Variants in PAM observed in about 807,000 individuals in gnomAD.
PAM encodes peptidylglycine alpha-amidating monooxygenase, also known as peptidyl-glycine alpha-amidating monooxygenase.
PAM carries 72 observed loss-of-function variants against 122.1 expected under a neutral mutation model. The ratio of observed to expected loss-of-function variants is 0.59; its 90% confidence interval spans 0.49 to 0.72. PAM has a LOEUF of 0.72. Ranked by LOEUF, PAM falls within the 30% of genes least tolerant of loss-of-function variation. The probability of loss-of-function intolerance (pLI) is 0.00; values close to 1 mark genes in which losing one functional copy is unlikely to be tolerated. For synonymous variants in PAM, 389 were observed against 404.4 expected (o/e 0.96, Z 0.46); for missense variants, 1,106 against 1,183.7 (o/e 0.93, Z 0.96).
At chr5:102,925,285 A>G (rs1420187063) in intron 6 of PAM, among the ~76,000 whole-genome samples, 2 of 152,222 alleles carry the variant, frequency 1.3e-5, no homozygotes, top group Non-Finnish European at 1.5e-5. Context: ...GAAAATAACC[A>G]AGGATACCTC....
chr5:102,865,351 TTCTA>T (rs1193102517), intron 1 of PAM: 1 of 152,248 alleles, frequency 6.6e-6, no homozygotes, highest in African/African-American at 2.4e-5. Flanking sequence ...AAAAGTCTTT[TTCTA>T]TCTGATTACT....
Position 103,003,137 on chromosome 5 carries a change from G to C in PAM, c.1718G>C (p.Ser573Thr). The C allele has an allele frequency of 6.7e-7, 1 of 1,484,204 alleles. No homozygotes were observed. The highest frequency in any genetic ancestry group is 1.1e-5 in the South Asian group (1 of 88,590). 91.9% of individuals were successfully genotyped at this position (1,484,204 alleles called of 1,614,324 possible). A position where few individuals can be genotyped will look rare whatever the true frequency, so the allele number is the denominator to read the frequency against. The change falls in exon 17 of 26, where the codon AGT (serine) becomes ACT (threonine). Residue 573 changes from serine to threonine, a missense_variant. This residue lies in a region of PAM where 103 missense variants were observed against 157.9 expected (regional missense o/e 0.65). Transcript: ENST00000438793. Reference protein sequence around the residue: ...DPNNAAVLQSSGKNLFYLPHG... With the variant: ...DPNNAAVLQSTGKNLFYLPHG... ...AATAATGCTGCAGTACTCCAGTCCA[G>C]TGGAAAAAATCTGTGAGTTAAATGA...
rs934543988 is a variant in PAM, at chr5:102,948,411, G to A, written c.609G>A (p.Met203Ile). The stretch of plus-strand genomic sequence containing the variant: ...TAATTGCTGGCATGTACCTTATGAT[G>A]TCTGTTGACACTGTTATCCCAGCAG... ...QPLIAGMYLM[M>I]SVDTVIPAGE... The change falls in exon 9 of 26, where the codon ATG becomes ATA. Residue 203 changes from methionine to isoleucine, a missense_variant. Around this residue, in one of 3 missense-constraint regions of PAM, gnomAD observed 670 missense variants for 690.3 expected, o/e 0.97. Transcript: ENST00000438793. 72 of 1,592,802 alleles carry A rather than the reference G, an allele frequency of 4.5e-5. No homozygotes were observed. Among genetic ancestry groups the A allele is most frequent in the Non-Finnish European group, 6.2e-5 (72 of 1,162,768 alleles).
At chr5:102,890,598 A>C (rs939352793) in intron 3 of PAM, among the ~76,000 whole-genome samples, 6 of 151,910 alleles carry the variant, frequency 3.9e-5, no homozygotes, top group African/African-American at 1.4e-4. Context: ...GGACTACAGA[A>C]ATCTAATTAT....
At chr5:102,819,444 T>C (rs1029985857) in intron 1 of PAM, among the ~76,000 whole-genome samples, 2 of 151,860 alleles carry the variant, frequency 1.3e-5, no homozygotes, top group Non-Finnish European at 2.9e-5. Flanking sequence ...TATTTATATA[T>C]GTTTATAAAT....
intron 15 of PAM, among the ~76,000 whole-genome samples, chr5:102,984,110 G>C (rs1770902663): frequency 6.6e-6 from 1 of 151,966 alleles, no homozygotes; most frequent in Non-Finnish European, 1.5e-5. Context: ...ATGAGAAAGA[G>C]AAAGGACTCA....
chr5:102,830,883 ATGTTT>A lies in PAM; in HGVS notation c.-373-34913_-373-34909del, dbSNP rs200045382. On this transcript the variant is annotated intron_variant, in intron 1 of 25. Transcript: ENST00000438793. ...TTAGACTTCTGACTCTGTATTTTGG[ATGTTT>A]TGTTTTGTTTTGTTTTGTTTTGTTT... 2.4e-4 allele frequency among the ~76,000 whole-genome samples: 23 copies of A among 95,230 alleles called. No homozygotes were observed. The South Asian group carries it at 5.5e-3, about 23-fold the overall frequency. The allele number at this position is 95,230 out of a possible 152,430, so 62.5% of individuals were successfully genotyped here. A position where few individuals can be genotyped will look rare whatever the true frequency, so the allele number is the denominator to read the frequency against.
In PAM at chr5:102,865,947, A is replaced by C. The variant is rs933412923; in HGVS notation, c.-249A>C. On this transcript the variant is annotated 5_prime_UTR_variant, in exon 2 of 26. Transcript: ENST00000438793. ...CACGCGAGCGGCGCTGGAGGGAGGAAAGCTTCCGCCTGCGGGCCGGACAAA... is the reference window on the plus strand; with the variant it reads ...CACGCGAGCGGCGCTGGAGGGAGGACAGCTTCCGCCTGCGGGCCGGACAAA... 4.8e-6 allele frequency: 2 copies of C among 418,716 alleles called. No homozygotes were observed. Among genetic ancestry groups the C allele is most frequent in the East Asian group, 8.6e-5 (2 of 23,294 alleles). The allele number at this position is 418,716 out of a possible 1,614,324, so 25.9% of individuals were successfully genotyped here.
chr5:102,980,907 C>T (rs1769545374), intron 15 of PAM, among the ~76,000 whole-genome samples: 1 of 152,082 alleles, frequency 6.6e-6, no homozygotes, highest in Non-Finnish European at 1.5e-5. Context: ...ACTAAGAGAA[C>T]CAGGTTGCTC....
intron 1 of PAM, among the ~76,000 whole-genome samples, chr5:102,849,573 A>C (rs1441794667): frequency 6.7e-6 from 1 of 148,624 alleles, no homozygotes; most frequent in Admixed American, 6.7e-5. Context: ...AAAAAAAAAA[A>C]GGAAAAAGAA....
intron 7 of PAM, among the ~76,000 whole-genome samples, chr5:102,946,103 C>T (rs1030896288): frequency 3.9e-5 from 6 of 152,102 alleles, no homozygotes; most frequent in Non-Finnish European, 4.4e-5. Context: ...TGGCAAGGAT[C>T]GTGTTGGAGG....
chr5:102,962,541 G>T (rs1055071454), intron 14 of PAM, among the ~76,000 whole-genome samples: 2 of 151,546 alleles, frequency 1.3e-5, no homozygotes, highest in Non-Finnish European at 3.0e-5. Flanking sequence ...GAAACAATAC[G>T]GAATGAGATA....
chr5:102,921,115 A>C (rs1747293229), intron 5 of PAM, among the ~76,000 whole-genome samples: 1 of 152,120 alleles, frequency 6.6e-6, no homozygotes, highest in Non-Finnish European at 1.5e-5. Flanking sequence ...AAGAAACCAC[A>C]AGGGAGCTAT....
Position 102,867,391 on chromosome 5 carries a change from C to T in PAM, c.208C>T (p.Gln70Ter). The T allele has an allele frequency of 6.2e-7, 1 of 1,606,288 alleles. No homozygotes were observed. The highest frequency in any genetic ancestry group is 8.5e-7 in the Non-Finnish European group (1 of 1,173,920). The change falls in exon 3 of 26, where the codon CAG becomes TAG. Residue 70 changes from glutamine to a stop codon, truncating the protein, a stop_gained and splice_region_variant. Transcript: ENST00000438793. LOFTEE classifies it high-confidence loss of function. ...TCGCATGCCTGGGGTTACACCTAAACAGGTGAGAGGAATTTTGTCTTTCAT... is the reference window on the plus strand; with the variant it reads ...TCGCATGCCTGGGGTTACACCTAAATAGGTGAGAGGAATTTTGTCTTTCAT... ...DIRMPGVTPKQSDTYFCMSMR... is the reference protein window; with the variant it reads ...DIRMPGVTPK
At chr5:102,784,172 C>T (rs1473552738) in intron 1 of PAM, among the ~76,000 whole-genome samples, 1 of 151,734 alleles carries the variant, frequency 6.6e-6, no homozygotes, top group Non-Finnish European at 1.5e-5. Context: ...GGATTACAGG[C>T]GTGAGCCACC....
At chr5:102,918,102 A>G (rs1229523903) in intron 5 of PAM, among the ~76,000 whole-genome samples, 1 of 152,136 alleles carries the variant, frequency 6.6e-6, no homozygotes, top group African/African-American at 2.4e-5. Context: ...TTCCAAATTA[A>G]CATACCTCTA....
intron 1 of PAM, among the ~76,000 whole-genome samples, chr5:102,805,834 A>G (rs1766075080): frequency 6.6e-6 from 1 of 152,202 alleles, no homozygotes; most frequent in South Asian, 2.1e-4. Context: ...TGAGGCCTGG[A>G]ATTAGGGAAT....
chr5:102,801,342 G>T (rs982562600), intron 1 of PAM, among the ~76,000 whole-genome samples: 1 of 152,130 alleles, frequency 6.6e-6, no homozygotes, highest in Non-Finnish European at 1.5e-5. Flanking sequence ...TTCACAGCCC[G>T]CAGATTATAG....
chr5:102,921,446 A>T (rs767936843), intron 5 of PAM, among the ~76,000 whole-genome samples: 25 of 152,142 alleles, frequency 1.6e-4, no homozygotes, highest in Non-Finnish European at 2.2e-4. Context: ...CTGATATGTT[A>T]TCAGTTATAG....
Sources: allele counts gnomAD v4.1 joint callset (sites outside exome capture counted in the v4.1 genomes callset), GRCh38; gene constraint gnomAD v4.1.1; regional missense constraint gnomAD v4.1.1; transcripts MANE v1.5; gene names NCBI Gene and HGNC (gene_info 2026-07-23, HGNC 2026-07-21).